CTNNBL1: variants seen among roughly 807,000 people sequenced by gnomAD.
CTNNBL1 encodes the protein catenin beta like 1.
A neutral mutation model predicts 72.7 loss-of-function variants in CTNNBL1; 31 were observed. The observed-to-expected ratio is 0.43, with a 90% CI of 0.32 to 0.58. The LOEUF (loss-of-function observed/expected upper bound fraction) is 0.58, where lower values mean the gene tolerates loss of function less well. Among genes scored for constraint, CTNNBL1 ranks in the 20% least tolerant of loss-of-function variants. The probability of loss-of-function intolerance (pLI) is 0.08; values close to 1 mark genes in which losing one functional copy is unlikely to be tolerated. For missense variants in CTNNBL1, 534 were observed against 725.1 expected (o/e 0.74, Z 3.03); for synonymous variants, 240 against 267.3 (o/e 0.90, Z 1.00).
chr20:37,727,434 A>G (rs2073094502), intron 1 of CTNNBL1: 1 of 764,768 alleles, frequency 1.3e-6, no homozygotes, highest in Non-Finnish European at 1.6e-6. Context: ...TAGAAAGGCT[A>G]CCAGCTGTGT....
intron 9 of CTNNBL1, among the ~76,000 whole-genome samples, chr20:37,778,103 A>G (rs1240845959): frequency 6.6e-6 from 1 of 152,138 alleles, no homozygotes. Context: ...TAGGATCTGA[A>G]TAAGCTCAAG....
intron 4 of CTNNBL1, among the ~76,000 whole-genome samples, chr20:37,752,807 A>G (rs932430270): frequency 3.9e-5 from 6 of 152,312 alleles, no homozygotes; most frequent in Non-Finnish European, 8.8e-5. Context: ...GTGGACAGGT[A>G]CAGAGGGAGT....
At chr20:37,771,660 A>G (rs2073525418) in intron 7 of CTNNBL1, among the ~76,000 whole-genome samples, 1 of 152,068 alleles carries the variant, frequency 6.6e-6, no homozygotes, top group Non-Finnish European at 1.5e-5. Flanking sequence ...CAACTCTACC[A>G]GGAATGACTG....
At chr20:37,834,107 G>T (rs1166769479) in intron 11 of CTNNBL1, among the ~76,000 whole-genome samples, 1 of 152,114 alleles carries the variant, frequency 6.6e-6, no homozygotes, top group East Asian at 1.9e-4. Flanking sequence ...CCAGACTGTG[G>T]TGAGCCGTGG....
At chr20:37,736,577 C>T (rs545656266) in intron 2 of CTNNBL1, among the ~76,000 whole-genome samples, 14 of 151,986 alleles carry the variant, frequency 9.2e-5, no homozygotes, top group Non-Finnish European at 1.6e-4. Flanking sequence ...GTCTCCCTCT[C>T]TCACCCAGGC....
chr20:37,739,537 C>T (rs1023412531), intron 3 of CTNNBL1, among the ~76,000 whole-genome samples: 1 of 152,042 alleles, frequency 6.6e-6, no homozygotes, highest in Non-Finnish European at 1.5e-5. Context: ...AGGATAGATA[C>T]CTAAATTTTG....
intron 5 of CTNNBL1, among the ~76,000 whole-genome samples, chr20:37,758,464 G>T (rs917462706): frequency 6.6e-6 from 1 of 152,224 alleles, no homozygotes; most frequent in Non-Finnish European, 1.5e-5. Context: ...CCGCTGGGTC[G>T]CTCAGCCCGT....
At chr20:37,764,184 T>C (rs2073443395) in intron 5 of CTNNBL1, among the ~76,000 whole-genome samples, 1 of 152,162 alleles carries the variant, frequency 6.6e-6, no homozygotes, top group African/African-American at 2.4e-5. Flanking sequence ...ATTTCATAAG[T>C]GAGGAAACCG....
chr20:37,842,825 G>A (rs978062685), intron 13 of CTNNBL1, among the ~76,000 whole-genome samples: 1 of 152,216 alleles, frequency 6.6e-6, no homozygotes, highest in African/African-American at 2.4e-5. Context: ...AGAGGAGCTG[G>A]AAGGAAACTG....
In CTNNBL1 at chr20:37,862,575, A is replaced by G. The variant is rs567491936; in HGVS notation, c.1603+2231A>G. Reference sequence around the variant, plus strand: ...GTGCCTTTTAAGGTGCTGACCCCATACTGGATACTGAGTGGATGATTGTTG... The same window carrying G: ...GTGCCTTTTAAGGTGCTGACCCCATGCTGGATACTGAGTGGATGATTGTTG... On this transcript the variant is annotated intron_variant, in intron 15 of 15. Transcript: ENST00000361383. Among the ~76,000 whole-genome samples the G allele has an allele frequency of 3.9e-5, 6 of 152,156 alleles. No individual in the cohort carries two copies. The South Asian group carries it at 1.2e-3, about 32-fold the overall frequency.
chr20:37,808,359 T>C (rs1020649059), intron 11 of CTNNBL1, among the ~76,000 whole-genome samples: 20 of 152,314 alleles, frequency 1.3e-4, no homozygotes, highest in African/African-American at 4.6e-4. Flanking sequence ...GAACCTTTCC[T>C]GCAGTCAGAA....
chr20:37,853,956 T>C (rs1037521812), intron 13 of CTNNBL1, among the ~76,000 whole-genome samples: 4 of 152,242 alleles, frequency 2.6e-5, no homozygotes, highest in African/African-American at 9.6e-5. Flanking sequence ...GGGCAGAAAC[T>C]TCATCTTCAG....
chr20:37,775,028 C>T (rs2073561465), intron 7 of CTNNBL1, among the ~76,000 whole-genome samples: 1 of 152,078 alleles, frequency 6.6e-6, no homozygotes, highest in Non-Finnish European at 1.5e-5. Flanking sequence ...TGTCAGCTTA[C>T]AGCATTCTTA....
chr20:37,737,905 T>C (rs1568757789), intron 3 of CTNNBL1, among the ~76,000 whole-genome samples: 2 of 152,232 alleles, frequency 1.3e-5, no homozygotes, highest in Non-Finnish European at 2.9e-5. Flanking sequence ...GTAGGCATTC[T>C]CTGCCTGTAA....
rs142528517 is a variant in CTNNBL1, at chr20:37,810,438, C to T, written c.1213+7390C>T. On this transcript the variant is annotated intron_variant, in intron 11 of 15. Transcript: ENST00000361383. ...TTGTGAGGGTGGATCTCGCATAGCC[C>T]AGGTGCCTTGTAAAGGTCTCACCAC... is the stretch of plus-strand genomic sequence containing the variant. 2.0e-5 allele frequency among the ~76,000 whole-genome samples: 3 copies of T among 152,056 alleles called. No homozygotes were observed. In the East Asian group the frequency reaches 5.8e-4, roughly 29 times the overall value.
intron 7 of CTNNBL1, among the ~76,000 whole-genome samples, chr20:37,773,030 T>C (rs900702447): frequency 2.0e-5 from 3 of 152,220 alleles, no homozygotes; most frequent in African/African-American, 4.8e-5. Context: ...ATGTTTTTAA[T>C]GGGGAATACA....
intron 15 of CTNNBL1, among the ~76,000 whole-genome samples, chr20:37,868,629 T>TCC (rs2072557023): frequency 6.6e-6 from 1 of 152,206 alleles, no homozygotes; most frequent in Non-Finnish European, 1.5e-5. Context: ...CTTAGCACAG[T>TCC]TGGAGTGACA....
At chr20:37,847,899 C>A (rs1207361109) in intron 13 of CTNNBL1, 2 of 152,804 alleles carry the variant, frequency 1.3e-5, no homozygotes, top group African/African-American at 4.8e-5. Context: ...ACAGTATCCA[C>A]AGGACTTGAT....
intron 1 of CTNNBL1, among the ~76,000 whole-genome samples, chr20:37,697,338 G>A (rs1006391911): frequency 1.3e-5 from 2 of 152,206 alleles, no homozygotes; most frequent in Non-Finnish European, 2.9e-5. Context: ...AGGACACAGA[G>A]GAATGGGCAT....
Sources: allele counts gnomAD v4.1 joint callset (sites outside exome capture counted in the v4.1 genomes callset), GRCh38; gene constraint gnomAD v4.1.1; transcripts MANE v1.5; gene names NCBI Gene and HGNC (gene_info 2026-07-23, HGNC 2026-07-21).